The following LCLAT1 variants were observed in gnomAD, a reference collection of about 807,000 sequenced individuals.
LCLAT1 encodes lysocardiolipin acyltransferase 1, also known as 1-AGP acyltransferase 8.
A neutral mutation model predicts 30.7 loss-of-function variants in LCLAT1; 11 were observed. That is an observed-to-expected ratio of 0.36 (90% CI 0.23 to 0.59). The LOEUF (loss-of-function observed/expected upper bound fraction) is 0.59. Among genes scored for constraint, LCLAT1 ranks in the 20% least tolerant of loss-of-function variants. LCLAT1 has a pLI of 0.77. For missense variants in LCLAT1, 402 were observed against 458.6 expected (o/e 0.88, Z 1.13); for synonymous variants, 155 against 151.3 (o/e 1.02, Z -0.18).
At chr2:30,515,158 C>A (rs188467638) in intron 1 of LCLAT1, among the ~76,000 whole-genome samples, 54 of 152,286 alleles carry the variant, frequency 3.5e-4, no homozygotes, top group African/African-American at 1.3e-3. Flanking sequence ...AGTATTCTCT[C>A]CCCTCCCACA....
chr2:30,583,049 T>A (rs1404221833), intron 5 of LCLAT1, among the ~76,000 whole-genome samples: 1 of 152,270 alleles, frequency 6.6e-6, no homozygotes, highest in Admixed American at 6.5e-5. Flanking sequence ...TTTTATTTTA[T>A]ACTCTAATTA....
At chr2:30,622,133 C>T (rs139004484) in intron 5 of LCLAT1, among the ~76,000 whole-genome samples, 1 of 152,182 alleles carries the variant, frequency 6.6e-6, no homozygotes, top group Non-Finnish European at 1.5e-5. Flanking sequence ...CTGGGTGAGG[C>T]CTGTCACTGT....
chr2:30,582,616 C>A (rs1666255230), intron 5 of LCLAT1, among the ~76,000 whole-genome samples: 1 of 152,172 alleles, frequency 6.6e-6, no homozygotes, highest in African/African-American at 2.4e-5. Context: ...GTATCATAAG[C>A]CCAGATTCCT....
chr2:30,575,588 G>A (rs1665961747), intron 5 of LCLAT1, among the ~76,000 whole-genome samples: 1 of 152,082 alleles, frequency 6.6e-6, no homozygotes, highest in Admixed American at 6.6e-5. Flanking sequence ...TGCACAGCAG[G>A]TAATAACTAT....
At chr2:30,500,035 C>G (rs1684298038) in intron 1 of LCLAT1, among the ~76,000 whole-genome samples, 1 of 152,084 alleles carries the variant, frequency 6.6e-6, no homozygotes, top group South Asian at 2.1e-4. Context: ...ACAAAATATA[C>G]TTTTATATAA....
chr2:30,529,448 T>A (rs1463487211), intron 2 of LCLAT1, among the ~76,000 whole-genome samples: 2 of 152,188 alleles, frequency 1.3e-5, no homozygotes, highest in Non-Finnish European at 2.9e-5. Flanking sequence ...TAATTCGGAG[T>A]GCATGCCTTT....
intron 5 of LCLAT1, among the ~76,000 whole-genome samples, chr2:30,570,953 C>T (rs907917037): frequency 2.6e-5 from 4 of 152,110 alleles, no homozygotes; most frequent in Admixed American, 2.0e-4. Context: ...TCTTAGAGGT[C>T]ATCTAGTCCA....
At chr2:30,508,089 T>G (rs914601877) in intron 1 of LCLAT1, among the ~76,000 whole-genome samples, 1 of 152,234 alleles carries the variant, frequency 6.6e-6, no homozygotes, top group African/African-American at 2.4e-5. Flanking sequence ...CATGTATGTC[T>G]TCTTTTGAAA....
intron 5 of LCLAT1, among the ~76,000 whole-genome samples, chr2:30,583,968 C>T (rs996361593): frequency 9.2e-5 from 14 of 152,068 alleles, no homozygotes; most frequent in African/African-American, 2.7e-4. Flanking sequence ...CTTAGGGATA[C>T]GTGTGCCAAA....
At chr2:30,567,170 TAGG>T (rs1178253204) in intron 4 of LCLAT1, among the ~76,000 whole-genome samples, 1 of 152,206 alleles carries the variant, frequency 6.6e-6, no homozygotes, top group Non-Finnish European at 1.5e-5. Context: ...TTTTGTTATA[TAGG>T]GATTGTTTTA....
intron 1 of LCLAT1, among the ~76,000 whole-genome samples, chr2:30,524,837 G>A (rs1312383054): frequency 1.3e-5 from 2 of 151,878 alleles, no homozygotes; most frequent in Non-Finnish European, 2.9e-5. Flanking sequence ...TAATGTATAT[G>A]TAGGGTTTAG....
intron 1 of LCLAT1, among the ~76,000 whole-genome samples, chr2:30,451,954 A>G (rs557688802): frequency 2.7e-3 from 404 of 152,404 alleles, no homozygotes; most frequent in Middle Eastern, 6.8e-3. Context: ...ACATGGATGT[A>G]TCTTACAGAC....
chr2:30,606,986 G>A (rs952815647), intron 5 of LCLAT1: 4 of 152,010 alleles, frequency 2.6e-5, no homozygotes, highest in African/African-American at 9.7e-5. Context: ...ATGAAAAAAA[G>A]CTCAACATCA....
chr2:30,641,624 T>C lies in LCLAT1; in HGVS notation c.*1005T>C, dbSNP rs1334639794. On this transcript the variant is annotated 3_prime_UTR_variant, in exon 6 of 6. Transcript: ENST00000379509. The stretch of plus-strand genomic sequence containing the variant: ...GCAGTAATGGTTTATCCTAAATTAC[T>C]CAACCCCTTGTAGCCTTGACAAATT... The C allele has an allele frequency of 6.6e-6, 1 of 152,236 alleles. No individual in the cohort carries two copies. Among genetic ancestry groups the C allele is most frequent in the Non-Finnish European group, 1.5e-5 (1 of 68,042 alleles). 9.4% of individuals were successfully genotyped at this position (152,236 alleles called of 1,614,324 possible).
intron 1 of LCLAT1, among the ~76,000 whole-genome samples, chr2:30,523,468 T>C (rs537560493): frequency 1.3e-5 from 2 of 152,328 alleles, no homozygotes; most frequent in South Asian, 4.1e-4. Flanking sequence ...ACCCCACTTC[T>C]TTAAAGTTTA....
At chr2:30,459,827 A>C in intron 1 of LCLAT1, 1 of 753,346 alleles carries the variant, frequency 1.3e-6, no homozygotes. Flanking sequence ...TTTATGTTGT[A>C]TTGTTGACAT....
At chr2:30,450,321 A>G (rs1000487052) in intron 1 of LCLAT1, among the ~76,000 whole-genome samples, 1 of 152,182 alleles carries the variant, frequency 6.6e-6, no homozygotes, top group Non-Finnish European at 1.5e-5. Flanking sequence ...GTGAGAGCTC[A>G]TGGTGTCCAG....
chr2:30,629,227 T>G (rs1242510290), intron 5 of LCLAT1, among the ~76,000 whole-genome samples: 1 of 152,112 alleles, frequency 6.6e-6, no homozygotes, highest in African/African-American at 2.4e-5. Flanking sequence ...ACCACAGTGT[T>G]TTTCCAATAA....
chr2:30,469,026 A>T (rs551784626), intron 1 of LCLAT1, among the ~76,000 whole-genome samples: 1 of 152,238 alleles, frequency 6.6e-6, no homozygotes, highest in African/African-American at 2.4e-5. Flanking sequence ...AGCTTTTCTT[A>T]TGCTTATCAA....
Sources: gnomAD v4.1 joint callset for allele counts (sites outside exome capture counted in the v4.1 genomes callset) on GRCh38, gnomAD v4.1.1 for gene constraint, MANE v1.5 for transcripts, NCBI Gene and HGNC (gene_info 2026-07-23, HGNC 2026-07-21) for gene names.